MUC17: variants seen among roughly 807,000 people sequenced by gnomAD.
MUC17 encodes mucin-17.
A neutral mutation model predicts 170.3 loss-of-function variants in MUC17; 190 were observed. The ratio of observed to expected loss-of-function variants is 1.12; its 90% CI spans 0.99 to 1.26. The LOEUF (loss-of-function observed/expected upper bound fraction) is 1.26, where lower values mean the gene tolerates loss of function less well. MUC17 is among the 50% of genes most tolerant of loss of function. MUC17 has a pLI of 0.00. For synonymous variants in MUC17, 2,325 were observed against 2,002.5 expected (o/e 1.16, Z -4.30); for missense variants, 6,415 against 5,530.0 (o/e 1.16, Z -5.08).
In MUC17 at chr7:101,033,817, C is replaced by T. The variant is rs1445237295; in HGVS notation, c.2401C>T (p.Pro801Ser). Residue 801 changes from proline (P) to serine (S), a missense_variant, in exon 3 of 13, where the codon CCT becomes TCT. Coordinates refer to ENST00000306151, the MANE Select transcript of MUC17 (RefSeq NM_001040105.2). Reference protein sequence around the residue: ...TEGTSMPISTPSEGSPLLTSI... With the variant: ...TEGTSMPISTSSEGSPLLTSI... ...AGGTACCAGCATGCCAATCTCAACT[C>T]CTAGTGAAGGAAGTCCTTTATTAAC... is the stretch of plus-strand genomic sequence containing the variant. 3.1e-6 allele frequency: 5 copies of T among 1,613,424 alleles called. No individual in the cohort carries two copies. The highest frequency in any genetic ancestry group is 1.6e-4 in the Middle Eastern group (1 of 6,082).
rs147611234 is a variant in MUC17 at position 101,040,514 on chromosome 7, G to A, written c.9098G>A (p.Gly3033Asp). The A allele has an allele frequency of 1.2e-6, 2 of 1,610,374 alleles. No homozygotes were observed. The highest frequency in any genetic ancestry group is 8.5e-7 in the Non-Finnish European group (1 of 1,178,900). Reference sequence around the variant, plus strand: ...AGTTCCTCTCCTACAACTGCTGAAGGTACCGGCATACCAATCTCAACTCCT... The same window carrying A: ...AGTTCCTCTCCTACAACTGCTGAAGATACCGGCATACCAATCTCAACTCCT... ...EASSSPTTAE[G>D]TGIPISTPSE... The change falls in exon 3 of 13, where the codon GGT (glycine) becomes GAT (aspartate). Residue 3033 changes from glycine (G) to aspartate (D), a missense_variant. Physicochemically the swap from Gly to Asp is moderately conservative, Grantham distance 94 (BLOSUM62 -1). Transcript: ENST00000306151.
intron 1 of MUC17, among the ~76,000 whole-genome samples, chr7:101,029,617 G>C (rs1794242012): frequency 6.6e-6 from 1 of 150,976 alleles, no homozygotes; most frequent in Non-Finnish European, 1.5e-5. Flanking sequence ...ATTATTTTTT[G>C]AGACAGAGTC....
At position 101,037,956 on chromosome 7, in the gene MUC17, C is replaced by T; in HGVS notation, c.6540C>T (p.Thr2180=). 6.2e-7 allele frequency: 1 copy of T among 1,612,052 alleles called. No homozygotes were observed. The highest frequency in any genetic ancestry group is 2.2e-5 in the East Asian group (1 of 44,770). The change falls in exon 3 of 13, where the codon ACC becomes ACT. Residue 2180 remains threonine, a synonymous_variant. Transcript: ENST00000306151. The part of the protein sequence containing the change: ...TTVVASSAIS[T]LSTTPVDTST... ...TGGTGGCCAGTTCTGCAATCAGCAC[C>T]CTTTCAACAACTCCTGTTGACACCA...
chr7:101,042,559 T>C lies in MUC17; in HGVS notation c.11143T>C (p.Ser3715Pro). Reference protein sequence around the residue: ...RVTSSEGSTLSTPSVVTSTPV... With the variant: ...RVTSSEGSTLPTPSVVTSTPV... ...GACCAGCTCTGAGGGTAGCACCCTT[T>C]CAACACCTTCTGTTGTCACCAGCAC... The change falls in exon 3 of 13, where the codon TCA becomes CCA. Residue 3715 changes from serine to proline, a missense_variant. Ser to Pro is a moderately conservative substitution (Grantham distance 74, BLOSUM62 -1). Coordinates refer to ENST00000306151, the MANE Select transcript of MUC17 (RefSeq NM_001040105.2). 1 of 1,614,128 alleles carries C rather than the reference T, an allele frequency of 6.2e-7. No homozygotes were observed.
rs568613221 is a variant in MUC17, at chr7:101,034,389, C to A, written c.2973C>A (p.Ser991Arg). The part of the protein sequence containing the change: ...GTTPLTSTPV[S>R]HTLVANSEAS... The stretch of plus-strand genomic sequence containing the variant: ...CTCCATTAACAAGCACACCTGTCAG[C>A]CACACGCTGGTGGCCAATTCTGAGG... Residue 991 changes from serine to arginine, a missense_variant, in exon 3 of 13, where the codon AGC becomes AGA. By Grantham distance (110) the Ser-to-Arg change is moderately radical. Transcript: ENST00000306151. 1.2e-6 allele frequency: 2 copies of A among 1,608,364 alleles called. No homozygotes were observed. Among genetic ancestry groups the A allele is most frequent in the South Asian group, 1.1e-5 (1 of 90,160 alleles).
In MUC17 at chr7:101,041,473, G is replaced by A; in HGVS notation, c.10057G>A (p.Val3353Ile). 2 of 1,613,946 alleles carry A rather than the reference G, an allele frequency of 1.2e-6. No homozygotes were observed. The highest frequency in any genetic ancestry group is 1.1e-5 in the South Asian group (1 of 91,062). Reference sequence around the variant, plus strand: ...TATGTCTTTCAGCACCACGCCAGTGGTCAGTTCTGAGGCTAGCACCCTTTC... The same window carrying A: ...TATGTCTTTCAGCACCACGCCAGTGATCAGTTCTGAGGCTAGCACCCTTTC... ...TNMSFSTTPV[V>I]SSEASTLSTT... Residue 3353 changes from valine (V) to isoleucine (I), a missense_variant, in exon 3 of 13, where the codon GTC becomes ATC. By Grantham distance (29) the Val-to-Ile change is conservative. Transcript: ENST00000306151.
Position 101,042,405 on chromosome 7 carries a change from C to T in MUC17, c.10989C>T (p.Ser3663=). 1 of 1,614,108 alleles carries T rather than the reference C, an allele frequency of 6.2e-7. No homozygotes were observed. The highest frequency in any genetic ancestry group is 8.5e-7 in the Non-Finnish European group (1 of 1,179,984). ...GTASTLPVDT[S]TPVITSTQVS... Reference sequence around the variant, plus strand: ...CTTCAACACTTCCTGTTGACACCAGCACACCTGTGATCACTTCTACCCAAG... The same window carrying T: ...CTTCAACACTTCCTGTTGACACCAGTACACCTGTGATCACTTCTACCCAAG... Residue 3663 remains serine, a synonymous_variant, in exon 3 of 13, where the codon AGC becomes AGT. Coordinates refer to ENST00000306151, the MANE Select transcript of MUC17 (RefSeq NM_001040105.2).
chr7:101,031,752 A>T lies in MUC17; in HGVS notation c.336A>T (p.Pro112=). Residue 112 remains proline, a synonymous_variant, in exon 3 of 13, where the codon CCA becomes CCT. Coordinates refer to ENST00000306151, the MANE Select transcript of MUC17 (RefSeq NM_001040105.2). ...GTGTCTCCAGTACCAGGATGACACC[A>T]ACAGAATCCAGAACAACTTCAGAAT... The part of the protein sequence containing the change: ...TPGVSSTRMT[P]TESRTTSEST... 6.2e-7 allele frequency: 1 copy of T among 1,608,914 alleles called. No homozygotes were observed. Among genetic ancestry groups the T allele is most frequent in the Non-Finnish European group, 8.5e-7 (1 of 1,175,232 alleles).
At chr7:101,045,793 G>A (rs1794829654) in intron 3 of MUC17, among the ~76,000 whole-genome samples, 1 of 152,190 alleles carries the variant, frequency 6.6e-6, no homozygotes, top group Admixed American at 6.5e-5. Flanking sequence ...GAATTTTCAG[G>A]TGGGAGACCT....
rs1794899263 is a variant in MUC17 at position 101,049,500 on chromosome 7, C to T, written c.12722+118C>T. The T allele has an allele frequency of 4.4e-6, 6 of 1,356,360 alleles. No homozygotes were observed. In the East Asian group the frequency reaches 7.3e-5, roughly 17 times the overall value. The allele number at this position is 1,356,360 out of a possible 1,614,324, so 84.0% of individuals were successfully genotyped here. A position where few individuals can be genotyped will look rare whatever the true frequency, so the allele number is the denominator to read the frequency against. On this transcript the variant is annotated intron_variant, in intron 6 of 12. Coordinates refer to ENST00000306151, the MANE Select transcript of MUC17 (RefSeq NM_001040105.2). Reference sequence around the variant, plus strand: ...GTGCCCAGGCAGCTATTGCAGAATACCACCGATGGGGCGGCTTAAACAACA... The same window carrying T: ...GTGCCCAGGCAGCTATTGCAGAATATCACCGATGGGGCGGCTTAAACAACA...
intron 4 of MUC17, 23 bp from the exon 5 acceptor site, chr7:101,048,822 C>T (rs773333692): frequency 1.3e-5 from 21 of 1,613,368 alleles, no homozygotes; most frequent in African/African-American, 9.3e-5. Context: ...AGATGCTTTG[C>T]TCAGTAAGTC....
chr7:101,052,868 C>A, intron 9 of MUC17, 118 bp from the exon 10 acceptor site: 1 of 1,256,310 alleles, frequency 8.0e-7, no homozygotes, highest in Non-Finnish European at 1.1e-6. Context: ...TGCTTTATGC[C>A]CCCTGGCAAT....
chr7:101,027,557 A>C (rs928658956), intron 1 of MUC17, among the ~76,000 whole-genome samples: 3 of 152,166 alleles, frequency 2.0e-5, no homozygotes, highest in Admixed American at 6.5e-5. Flanking sequence ...CATCTGTAGA[A>C]TCTGAGAGCC....
chr7:101,042,972 CG>C lies in MUC17; in HGVS notation c.11558del (p.Gly3853ValfsTer24). The C allele has an allele frequency of 1.9e-6, 3 of 1,614,174 alleles. No individual in the cohort carries two copies. The Middle Eastern group carries it at 4.9e-4, about 266-fold the overall frequency. The part of the protein sequence containing the change: ...STPLLTSTKA[G>X]SFSIPAEVTT... ...CACCTTTGCTCACCTCTACCAAAGC[CG>C]GTTCATTCTCCATACCTGCTGAAGT... On this transcript the variant is annotated frameshift_variant, in exon 3 of 13. Transcript: ENST00000306151. LOFTEE classifies it high-confidence loss of function.
Position 101,036,860 on chromosome 7 carries a change from T to A in MUC17, c.5444T>A (p.Val1815Asp), listed in dbSNP as rs1198339469. 1 of 1,608,404 alleles carries A rather than the reference T, an allele frequency of 6.2e-7. No homozygotes were observed. Among genetic ancestry groups the A allele is most frequent in the Middle Eastern group, 1.7e-4 (1 of 5,986 alleles). ...EGMTPLTSTP[V>D]SHTLVANSEA... ...ATGACTCCATTAACAAGCACACCTGTCAGCCACACGCTGGTGGCCAATTCT... is the reference window on the plus strand; with the variant it reads ...ATGACTCCATTAACAAGCACACCTGACAGCCACACGCTGGTGGCCAATTCT... Residue 1815 changes from valine (V) to aspartate (D), a missense_variant, in exon 3 of 13, where the codon GTC becomes GAC. Val to Asp is a radical substitution (Grantham distance 152). Transcript: ENST00000306151.
In MUC17 at chr7:101,041,395, G is replaced by A. The variant is rs768041245; in HGVS notation, c.9979G>A (p.Gly3327Ser). The A allele has an allele frequency of 1.7e-5, 28 of 1,613,448 alleles. No homozygotes were observed. Among genetic ancestry groups the A allele is most frequent in the Admixed American group, 3.3e-5 (2 of 59,994 alleles). ...QASSSPPIADGTSMPTSTYSE... is the reference protein window; with the variant it reads ...QASSSPPIADSTSMPTSTYSE... ...CAGTTCATCTCCTCCAATTGCTGAC[G>A]GTACTAGCATGCCAACCTCAACTTA... Residue 3327 changes from glycine (G) to serine (S), a missense_variant, in exon 3 of 13, where the codon GGT (glycine) becomes AGT (serine). Coordinates refer to ENST00000306151, the MANE Select transcript of MUC17 (RefSeq NM_001040105.2).
At position 101,042,403 on chromosome 7, in the gene MUC17, AG is replaced by A. The variant is rs1473423079; in HGVS notation, c.10988del (p.Ser3663ThrfsTer4). 6.8e-6 allele frequency: 11 copies of A among 1,614,030 alleles called. No homozygotes were observed. The highest frequency in any genetic ancestry group is 9.3e-6 in the Non-Finnish European group (11 of 1,180,004). The stretch of plus-strand genomic sequence containing the variant: ...AGCTTCAACACTTCCTGTTGACACC[AG>A]CACACCTGTGATCACTTCTACCCAA... ...GTASTLPVDT[S>X]TPVITSTQVS... On this transcript the variant is annotated frameshift_variant, in exon 3 of 13. Transcript: ENST00000306151. LOFTEE classifies it high-confidence loss of function.
chr7:101,033,221 C>T lies in MUC17; in HGVS notation c.1805C>T (p.Thr602Ile). The T allele has an allele frequency of 6.2e-7, 1 of 1,614,136 alleles. No individual in the cohort carries two copies. The highest frequency in any genetic ancestry group is 8.5e-7 in the Non-Finnish European group (1 of 1,180,014). ...TTPADSNTFV[T>I]TSSEASSSST... ...CCTGCTGACTCCAACACTTTTGTGA[C>T]CACTTCTAGTGAAGCTAGTTCATCT... The change falls in exon 3 of 13, where the codon ACC becomes ATC. Residue 602 changes from threonine (T) to isoleucine (I), a missense_variant. Thr to Ile is a moderately conservative substitution (Grantham distance 89). Coordinates refer to ENST00000306151, the MANE Select transcript of MUC17 (RefSeq NM_001040105.2).
In MUC17 at chr7:101,034,383, T is replaced by C; in HGVS notation, c.2967T>C (p.Pro989=). 1.2e-6 allele frequency: 2 copies of C among 1,608,318 alleles called. No individual in the cohort carries two copies. Among genetic ancestry groups the C allele is most frequent in the Non-Finnish European group, 1.7e-6 (2 of 1,177,372 alleles). Residue 989 remains proline (P), a synonymous_variant, in exon 3 of 13, where the codon CCT becomes CCC. Coordinates refer to ENST00000306151, the MANE Select transcript of MUC17 (RefSeq NM_001040105.2). ...GAACGACTCCATTAACAAGCACACCTGTCAGCCACACGCTGGTGGCCAATT... is the reference window on the plus strand; with the variant it reads ...GAACGACTCCATTAACAAGCACACCCGTCAGCCACACGCTGGTGGCCAATT... ...SEGTTPLTST[P]VSHTLVANSE...
Sources: gnomAD v4.1 joint callset for allele counts (sites outside exome capture counted in the v4.1 genomes callset) on GRCh38, gnomAD v4.1.1 for gene constraint, MANE v1.5 for transcripts, NCBI Gene and HGNC (gene_info 2026-07-23, HGNC 2026-07-21) for gene names.